Variants in GSDMD observed in about 807,000 individuals in gnomAD.
GSDMD encodes gasdermin-D.
A neutral mutation model predicts 46.7 loss-of-function variants in GSDMD; 46 were observed. The observed-to-expected ratio is 0.99, with a 90% CI of 0.78 to 1.26. GSDMD has a LOEUF of 1.26. Among genes scored for constraint, GSDMD ranks in the 50% most tolerant of loss-of-function variants. GSDMD has a pLI of 0.00. For synonymous variants in GSDMD, 307 were observed against 283.1 expected (o/e 1.08, Z -0.85); for missense variants, 649 against 638.8 (o/e 1.02, Z -0.17).
At chr8:143,560,577 C>A in intron 3 of GSDMD, 26 bp from the exon 4 acceptor site, 1 of 1,551,658 alleles carries the variant, frequency 6.4e-7, no homozygotes, top group Non-Finnish European at 8.7e-7. Context: ...TGCGGCCCAG[C>A]GAGCTTTGCT....
At chr8:143,560,508 C>A (rs1399558972) in intron 3 of GSDMD, 95 bp from the exon 4 acceptor site, 3 of 1,379,106 alleles carry the variant, frequency 2.2e-6, no homozygotes, top group East Asian at 5.0e-5. Context: ...GAGGGCCCCT[C>A]TGCACCACCT....
rs539532876 is a variant in GSDMD at position 143,562,288 on chromosome 8, C to T, written c.1076C>T (p.Ser359Phe). 3.9e-6 allele frequency: 6 copies of T among 1,556,342 alleles called. No individual in the cohort carries two copies. The East Asian group carries it at 9.6e-5, about 25-fold the overall frequency. ...GCTGTCCTGGAGTGCCTGGTGTTGT[C>T]CTCCGGAATGCTGGTGCCGGAACTC... ...AGAVLECLVL[S>F]SGMLVPELAI... Residue 359 changes from serine to phenylalanine, a missense_variant, in exon 9 of 11, where the codon TCC (serine) becomes TTC (phenylalanine). Coordinates refer to ENST00000262580, the MANE Select transcript of GSDMD (RefSeq NM_024736.7).
upstream of GSDMD, among the ~76,000 whole-genome samples, chr8:143,556,574 C>A (rs1325588851): frequency 6.6e-6 from 1 of 152,212 alleles, no homozygotes; most frequent in African/African-American, 2.4e-5. Context: ...AAAAAATACA[C>A]AAAACAGCCA....
chr8:143,562,800 G>A lies in GSDMD; in HGVS notation c.1351G>A (p.Glu451Lys), dbSNP rs143727728. The change falls in exon 11 of 11, where the codon GAG becomes AAG. Residue 451 changes from glutamate (E) to lysine (K), a missense_variant. Physicochemically the swap from Glu to Lys is moderately conservative, Grantham distance 56 (BLOSUM62 1). Coordinates refer to ENST00000262580, the MANE Select transcript of GSDMD (RefSeq NM_024736.7). ...LLDECGLELGEDTPHVCWEPQ... is the reference protein window; with the variant it reads ...LLDECGLELGKDTPHVCWEPQ... ...GGACGAGTGTGGCCTAGAGCTGGGG[G>A]AGGACACTCCCCACGTGTGCTGGGA... The A allele has an allele frequency of 3.4e-4, 544 of 1,603,126 alleles. 5 individuals carry two copies. In the East Asian group the frequency reaches 0.011, roughly 34 times the overall value.
intron 5 of GSDMD, 60 bp downstream of exon 5, chr8:143,561,164 GGGAGAGCTACCCGCCAGCTTGGGCTGC>G (rs1055780448): frequency 1.5e-4 from 228 of 1,510,358 alleles, no homozygotes; most frequent in Non-Finnish European, 1.9e-4. Context: ...GGGAGGCCTG[GGGAGAGCTACCCGCCAGCTTGGGCTGC>G]CGTGGGCCCC....
upstream of GSDMD, chr8:143,557,881 GC>G: frequency 2.3e-6 from 1 of 436,190 alleles, no homozygotes. Flanking sequence ...TTCGGCACAG[GC>G]CCAAAGTTGT....
upstream of GSDMD, among the ~76,000 whole-genome samples, chr8:143,557,215 G>A (rs1823314390): frequency 6.6e-6 from 1 of 152,282 alleles, no homozygotes; most frequent in Non-Finnish European, 1.5e-5. Flanking sequence ...TCTACGGCCT[G>A]GATTCCAGTG....
Position 143,562,908 on chromosome 8 carries a change from G to A in GSDMD, c.*4G>A, listed in dbSNP as rs1823503986. The A allele has an allele frequency of 1.2e-6, 2 of 1,612,006 alleles. No homozygotes were observed. Among genetic ancestry groups the A allele is most frequent in the Non-Finnish European group, 1.7e-6 (2 of 1,179,956 alleles). Reference sequence around the variant, plus strand: ...ACTGAGCCAGGAGCCCCACTAGCCTGTGCCCGGGCATGGCCTGGCAGCTCT... The same window carrying A: ...ACTGAGCCAGGAGCCCCACTAGCCTATGCCCGGGCATGGCCTGGCAGCTCT... On this transcript the variant is annotated 3_prime_UTR_variant, in exon 11 of 11. Transcript: ENST00000262580.
chr8:143,558,512 T>C, intron 1 of GSDMD, 61 bp downstream of exon 1: 2 of 1,372,268 alleles, frequency 1.5e-6, no homozygotes, highest in South Asian at 1.6e-5. Flanking sequence ...GGCCGGCCGC[T>C]GGCTCCCGGG....
chr8:143,558,687 CG>C (rs1480402982), intron 1 of GSDMD: 2 of 571,248 alleles, frequency 3.5e-6, no homozygotes, highest in African/African-American at 2.0e-5. Context: ...TCCAGGTTCC[CG>C]GGCCGGTGCT....
Position 143,559,544 on chromosome 8 carries a change from C to G in GSDMD, c.209C>G (p.Ala70Gly). The G allele has an allele frequency of 6.2e-7, 1 of 1,612,170 alleles. No individual in the cohort carries two copies. Among genetic ancestry groups the G allele is most frequent in the East Asian group, 2.2e-5 (1 of 44,888 alleles). ...SIKDILEPDAAEPDVQRGRSF... is the reference protein window; with the variant it reads ...SIKDILEPDAGEPDVQRGRSF... Reference sequence around the variant, plus strand: ...AAGGACATCCTGGAGCCGGATGCCGCGGAACCAGGTGCCTGATGTGGTGCT... The same window carrying G: ...AAGGACATCCTGGAGCCGGATGCCGGGGAACCAGGTGCCTGATGTGGTGCT... The change falls in exon 2 of 11, where the codon GCG becomes GGG. Residue 70 changes from alanine to glycine, a missense_variant. Coordinates refer to ENST00000262580, the MANE Select transcript of GSDMD (RefSeq NM_024736.7).
At position 143,562,235 on chromosome 8, in the gene GSDMD, G is replaced by A. The variant is rs11551198; in HGVS notation, c.1023G>A (p.Pro341=). 306,017 of 1,566,044 alleles carry A rather than the reference G, an allele frequency of 0.2. 31,600 individuals are homozygous for A. Among genetic ancestry groups the A allele is most frequent in the Non-Finnish European group, 0.21 (249,033 of 1,159,186 alleles). Residue 341 remains proline, a synonymous_variant, in exon 9 of 11, where the codon CCG becomes CCA. Transcript: ENST00000262580. ...TGGAGCAGGGCCAGAGCCTTGGGCC[G>A]GTGGAGCCCCTGGACGGTCCAGCAG... ...EALEQGQSLG[P]VEPLDGPAGA...
chr8:143,556,610 A>C (rs1486842549), upstream of GSDMD, among the ~76,000 whole-genome samples: 5 of 152,198 alleles, frequency 3.3e-5, no homozygotes, highest in East Asian at 9.7e-4. Flanking sequence ...AGGGACCCGC[A>C]GGGCACCACT....
chr8:143,555,459 C>T (rs973422338), upstream of GSDMD, among the ~76,000 whole-genome samples: 1 of 152,216 alleles, frequency 6.6e-6, no homozygotes, highest in African/African-American at 2.4e-5. Context: ...TCCTCCTTGC[C>T]CAACTCTGCC....
chr8:143,559,165 C>G lies in GSDMD; in HGVS notation c.-4-167C>G, dbSNP rs551270301. The G allele has an allele frequency of 2.5e-5, 15 of 606,128 alleles. No individual in the cohort carries two copies. The East Asian group carries it at 4.1e-4, about 17-fold the overall frequency. 37.5% of individuals were successfully genotyped at this position (606,128 alleles called of 1,614,324 possible). A position where few individuals can be genotyped will look rare whatever the true frequency, so the allele number is the denominator to read the frequency against. On this transcript the variant is annotated intron_variant, in intron 1 of 10. Transcript: ENST00000262580. ...ACTGTAATTCTGTGTTGGGGAGGGC[C>G]GGGGACAGAAGCTTTCTGCTAGTGG...
Position 143,559,981 on chromosome 8 carries a change from G to GAGGGCAGGGCATGGC in GSDMD, c.410+23_410+24insTGGCAGGGCAGGGCA. 1 of 1,588,500 alleles carries GAGGGCAGGGCATGGC rather than the reference G, an allele frequency of 6.3e-7. No individual in the cohort carries two copies. The highest frequency in any genetic ancestry group is 8.6e-7 in the Non-Finnish European group (1 of 1,161,170). On this transcript the variant is annotated intron_variant, in intron 3 of 10. Transcript: ENST00000262580. ...CTGCTCCATGAGAGGTGGGCCCGAA[G>GAGGGCAGGGCATGGC]AGGGCAGGGCAGGGCAGGGCCCCAC...
chr8:143,558,261 C>T (rs1460451264), upstream of GSDMD: 10 of 1,383,656 alleles, frequency 7.2e-6, no homozygotes, highest in Admixed American at 5.9e-5. Flanking sequence ...GGCGGGCTGG[C>T]GGGAAGAGGG....
Position 143,559,490 on chromosome 8 carries a change from C to A in GSDMD, c.155C>A (p.Pro52His). The A allele has an allele frequency of 6.2e-7, 1 of 1,612,904 alleles. No individual in the cohort carries two copies. Among genetic ancestry groups the A allele is most frequent in the East Asian group, 2.2e-5 (1 of 44,888 alleles). The change falls in exon 2 of 11, where the codon CCC (proline) becomes CAC (histidine). Residue 52 changes from proline (P) to histidine (H), a missense_variant. Coordinates refer to ENST00000262580, the MANE Select transcript of GSDMD (RefSeq NM_024736.7). ...RKPSSSWFWK[P>H]RYKCVNLSIK... The stretch of plus-strand genomic sequence containing the variant: ...CCCTCAAGCTCATGGTTCTGGAAAC[C>A]CCGTTATAAGTGTGTCAACCTGTCT...
intron 4 of GSDMD, 106 bp downstream of exon 4, chr8:143,560,877 C>T (rs1272675135): frequency 7.0e-7 from 1 of 1,432,674 alleles, no homozygotes. Flanking sequence ...GAGCAGCTCC[C>T]AGCCCTGCGC....
Sources: allele counts gnomAD v4.1 joint callset (sites outside exome capture counted in the v4.1 genomes callset), GRCh38; gene constraint gnomAD v4.1.1; transcripts MANE v1.5; gene names NCBI Gene and HGNC (gene_info 2026-07-23, HGNC 2026-07-21).